Variants in AJUBA observed in about 807,000 individuals in gnomAD.
The protein encoded by AJUBA is LIM domain-containing protein ajuba.
AJUBA carries 20 observed loss-of-function variants against 53.3 expected under a neutral mutation model. That is an observed-to-expected ratio of 0.38 (90% CI 0.26 to 0.55). The LOEUF (loss-of-function observed/expected upper bound fraction) is 0.55. Ranked by LOEUF, AJUBA falls within the 20% of genes least tolerant of loss-of-function variation. AJUBA has a pLI of 0.80. For synonymous variants in AJUBA, 296 were observed against 306.2 expected, an observed-to-expected ratio of 0.97 and a Z score of 0.35; for missense variants, 580 against 730.5, an observed-to-expected ratio of 0.79 and a Z score of 2.38.
At chr14:22,978,275 C>A in intron 2 of AJUBA, 69 bp downstream of exon 2, 1 of 1,430,604 alleles carries the variant, frequency 7.0e-7, no homozygotes, top group South Asian at 1.2e-5. Context: ...TCCTCCTGTT[C>A]CCCATAGCAC....
At chr14:22,975,207 C>G in intron 4 of AJUBA, 103 bp from the exon 5 acceptor site, 2 of 1,454,968 alleles carry the variant, frequency 1.4e-6, no homozygotes, top group Non-Finnish European at 1.9e-6. Context: ...CAACCCGCTG[C>G]TATACTCCCA....
At position 22,975,338 on chromosome 14, in the gene AJUBA, G is replaced by C. The variant is rs1208822211; in HGVS notation, c.1240-234C>G. On this transcript the variant is annotated intron_variant, in intron 4 of 7. Coordinates refer to ENST00000262713, the MANE Select transcript of AJUBA (RefSeq NM_032876.6). ...TCTGGCTGCATATCAGGATCACCTA[G>C]GCAGCTTTTAAAAAACATCAATGCT... 22 of 491,028 alleles carry C rather than the reference G, an allele frequency of 4.5e-5. 1 individual carries two copies. In the South Asian group the frequency reaches 6.2e-4, roughly 14 times the overall value. The allele number at this position is 491,028 out of a possible 1,614,324, so 30.4% of individuals were successfully genotyped here. A position where few individuals can be genotyped will look rare whatever the true frequency, so the allele number is the denominator to read the frequency against.
chr14:22,980,772 G>T, intron 1 of AJUBA: 1 of 742,412 alleles, frequency 1.3e-6, no homozygotes, highest in Non-Finnish European at 1.6e-6. Flanking sequence ...CCGCCCGCGG[G>T]CACCTGGAGC....
rs1005665809 is a variant in AJUBA at position 22,982,520 on chromosome 14, G to C, written c.-254C>G. On this transcript the variant is annotated 5_prime_UTR_variant, in exon 1 of 8. Coordinates refer to ENST00000262713, the MANE Select transcript of AJUBA (RefSeq NM_032876.6). ...CTGGCCGCGGCTGTCCAGTCCGCAG[G>C]TCTATCTGTTCACGCGTCGACTCGC... 19 of 1,367,756 alleles carry C rather than the reference G, an allele frequency of 1.4e-5. No individual in the cohort carries two copies. The highest frequency in any genetic ancestry group is 2.7e-4 in the Middle Eastern group (1 of 3,678). 84.7% of individuals were successfully genotyped at this position (1,367,756 alleles called of 1,614,324 possible).
rs2045019388 is a variant in AJUBA, at chr14:22,974,821, G to A, written c.1422+18C>T. 2 of 1,608,570 alleles carry A rather than the reference G, an allele frequency of 1.2e-6. No individual in the cohort carries two copies. The highest frequency in any genetic ancestry group is 1.7e-6 in the Non-Finnish European group (2 of 1,177,910). The stretch of plus-strand genomic sequence containing the variant: ...CAGTGGCACTGGCTGCCCTGAAGGA[G>A]AACCCAGACATACTGACCTCAGAGG... On this transcript the variant is annotated intron_variant, in intron 6 of 7. Coordinates refer to ENST00000262713, the MANE Select transcript of AJUBA (RefSeq NM_032876.6).
At chr14:22,976,953 A>C (rs1286562725) in intron 2 of AJUBA, 8 of 1,381,864 alleles carry the variant, frequency 5.8e-6, no homozygotes, top group Non-Finnish European at 7.5e-6. Context: ...CTGCCTCCTT[A>C]ACAGTTTTCT....
Position 22,981,352 on chromosome 14 carries a change from C to T in AJUBA, c.915G>A (p.Glu305=), listed in dbSNP as rs144432577. ...AGARGEPSGI[E]PSGLEEPPGP... is the part of the protein sequence containing the mutation. ...CTGGTGGCTCCTCCAGACCCGACGG[C>T]TCAATCCCCGAGGGTTCTCCGCGGG... is the stretch of plus-strand genomic sequence containing the variant. The change falls in exon 1 of 8, where the codon GAG becomes GAA. Residue 305 remains glutamate, a synonymous_variant. Transcript: ENST00000262713. 45 of 1,613,276 alleles carry T rather than the reference C, an allele frequency of 2.8e-5. No individual in the cohort carries two copies. The African/African-American group carries it at 5.6e-4, about 20-fold the overall frequency.
At chr14:22,977,926 C>A (rs1448587833) in intron 2 of AJUBA, among the ~76,000 whole-genome samples, 1 of 151,834 alleles carries the variant, frequency 6.6e-6, no homozygotes, top group Non-Finnish European at 1.5e-5. Flanking sequence ...GAAAACCCCC[C>A]TCTCCGCCCC....
chr14:22,981,378 C>G lies in AJUBA; in HGVS notation c.889G>C (p.Ala297Pro). 2 of 1,613,052 alleles carry G rather than the reference C, an allele frequency of 1.2e-6. 1 individual carries two copies. Among genetic ancestry groups the G allele is most frequent in the Non-Finnish European group, 1.7e-6 (2 of 1,179,898 alleles). ...TVGTGGREAG[A>P]RGEPSGIEPS... ...TCAATCCCCGAGGGTTCTCCGCGGG[C>G]TCCGGCTTCTCGCCCACCGGTGCCC... The change falls in exon 1 of 8, where the codon GCC (alanine) becomes CCC (proline). Residue 297 changes from alanine (A) to proline (P), a missense_variant. Physicochemically the swap from Ala to Pro is conservative, Grantham distance 27 (BLOSUM62 -1). Coordinates refer to ENST00000262713, the MANE Select transcript of AJUBA (RefSeq NM_032876.6).
intron 3 of AJUBA, 34 bp from the exon 4 acceptor site, chr14:22,976,552 A>G: frequency 6.2e-7 from 1 of 1,613,900 alleles, no homozygotes; most frequent in Non-Finnish European, 8.5e-7. Context: ...GGAGGCTGTT[A>G]TCAAACTGAG....
intron 1 of AJUBA, chr14:22,978,963 G>A (rs1566656710): frequency 7.8e-7 from 1 of 1,289,174 alleles, no homozygotes; most frequent in Non-Finnish European, 1.0e-6. Flanking sequence ...CTCCACTGCA[G>A]ACTTCCAAGG....
In AJUBA at chr14:22,973,448, T is replaced by C. The variant is rs2045003433; in HGVS notation, c.1612A>G (p.Ile538Val). 1.2e-6 allele frequency: 2 copies of C among 1,609,812 alleles called. No homozygotes were observed. The highest frequency in any genetic ancestry group is 1.7e-6 in the Non-Finnish European group (2 of 1,178,020). The change falls in exon 8 of 8, where the codon ATC becomes GTC. Residue 538 changes from isoleucine (I) to valine (V), a missense_variant. Physicochemically the swap from Ile to Val is conservative, Grantham distance 29. Transcript: ENST00000262713. ...GCAGCAGCAGTGATTGCAGCTCAGA[T>C]ATAGTTGGCAGGGGGTTGTCGGGCA... Reference protein sequence around the residue: ...LNARQPPANYI With the variant: ...LNARQPPANYV
Position 22,979,160 on chromosome 14 carries a change from G to A in AJUBA, c.1007-715C>T, listed in dbSNP as rs1454882407. 8.3e-7 allele frequency: 1 copy of A among 1,198,842 alleles called. No individual in the cohort carries two copies. Among genetic ancestry groups the A allele is most frequent in the East Asian group, 5.9e-5 (1 of 17,048 alleles). 74.3% of individuals were successfully genotyped at this position (1,198,842 alleles called of 1,614,324 possible). ...CACCTTCTATCATGGGAAGAATACA[G>A]AACTGAACTGCTTGCTATTCCCCAA... On this transcript the variant is annotated intron_variant, in intron 1 of 7. Transcript: ENST00000262713. The surrounding 1 kb of genome is among the most constrained non-coding windows in gnomAD (Gnocchi z 4.0).
At position 22,978,713 on chromosome 14, in the gene AJUBA, G is replaced by A. The variant is rs1036011012; in HGVS notation, c.1007-268C>T. On this transcript the variant is annotated intron_variant, in intron 1 of 7. Transcript: ENST00000262713. The stretch of plus-strand genomic sequence containing the variant: ...CACTACCTAAGGAAACCTGGAGAAA[G>A]TCGAAGATATGGTCCCTGGCATTCA... 8 of 1,253,094 alleles carry A rather than the reference G, an allele frequency of 6.4e-6. No homozygotes were observed. The African/African-American group carries it at 1.1e-4, about 17-fold the overall frequency. The allele number at this position is 1,253,094 out of a possible 1,614,324, so 77.6% of individuals were successfully genotyped here. A position where few individuals can be genotyped will look rare whatever the true frequency, so the allele number is the denominator to read the frequency against.
intron 1 of AJUBA, 86 bp from the exon 2 acceptor site, chr14:22,978,531 C>T: frequency 6.5e-7 from 1 of 1,540,340 alleles, no homozygotes; most frequent in Non-Finnish European, 8.8e-7. Context: ...TCCTGATGTG[C>T]CAGGGGTCAC....
chr14:22,976,410 C>T, intron 4 of AJUBA, 46 bp downstream of exon 4: 4 of 1,583,258 alleles, frequency 2.5e-6, no homozygotes, highest in Non-Finnish European at 8.7e-7. Flanking sequence ...TGATCCCGCT[C>T]CTCAGCCTCA....
intron 6 of AJUBA, 85 bp from the exon 7 acceptor site, chr14:22,974,200 A>G (rs2045012786): frequency 7.3e-7 from 1 of 1,364,198 alleles, no homozygotes; most frequent in Non-Finnish European, 1.0e-6. Context: ...TTCCCACCCC[A>G]TGGGAAGATC....
At chr14:22,978,525 G>A in intron 1 of AJUBA, 80 bp from the exon 2 acceptor site, 1 of 1,552,252 alleles carries the variant, frequency 6.4e-7, no homozygotes, top group Non-Finnish European at 8.8e-7. Context: ...GCCCTTTCCT[G>A]ATGTGCCAGG....
In AJUBA at chr14:22,981,905, C is replaced by A; in HGVS notation, c.362G>T (p.Arg121Leu). ...GGCCGAGCTACTGGCGAAGCTAGAG[C>A]GGGGGCTGAGGGCCGGGGCCGTGGG... ...LEPTAPALSP[R>L]SSFASSSASD... Residue 121 changes from arginine to leucine, a missense_variant, in exon 1 of 8, where the codon CGC (arginine) becomes CTC (leucine). Arg to Leu is a moderately radical substitution (Grantham distance 102). Around this residue, in one of 2 missense-constraint regions of AJUBA, gnomAD observed 430 missense variants for 471.5 expected, o/e 0.91. Transcript: ENST00000262713. 6.4e-7 allele frequency: 1 copy of A among 1,550,908 alleles called. No individual in the cohort carries two copies. Among genetic ancestry groups the A allele is most frequent in the Non-Finnish European group, 8.7e-7 (1 of 1,152,846 alleles).
Sources: gnomAD v4.1 joint callset for allele counts (sites outside exome capture counted in the v4.1 genomes callset) on GRCh38, gnomAD v4.1.1 for gene constraint, gnomAD v4.1.1 regional missense constraint, Gnocchi (gnomAD v3.1) non-coding constraint, MANE v1.5 for transcripts, NCBI Gene and HGNC (gene_info 2026-07-23, HGNC 2026-07-21) for gene names.